Variants in PI4KA observed in about 807,000 individuals in gnomAD.
PI4KA encodes the protein PI4-kinase alpha.
A neutral mutation model predicts 271.4 loss-of-function variants in PI4KA; 122 were observed. That is an observed-to-expected ratio of 0.45 (90% confidence interval 0.39 to 0.52). The LOEUF is 0.52. Among genes scored for constraint, PI4KA ranks in the 20% least tolerant of loss-of-function variants. The probability of loss-of-function intolerance (pLI) is 0.00; values close to 1 mark genes in which losing one functional copy is unlikely to be tolerated. For missense variants in PI4KA, 1,969 were observed against 2,769.1 expected (o/e 0.71, Z 6.48); for synonymous variants, 1,041 against 1,078.8 (o/e 0.96, Z 0.69).
At chr22:20,811,891 GAGTCCCAGC>G (rs1359425529) in intron 8 of PI4KA, among the ~76,000 whole-genome samples, 1 of 151,412 alleles carries the variant, frequency 6.6e-6, no homozygotes, top group Non-Finnish European at 1.5e-5. Context: ...TGGTCACCTG[GAGTCCCAGC>G]TACTCAGGAG....
At chr22:20,837,833 C>A (rs1486299334) in intron 2 of PI4KA, among the ~76,000 whole-genome samples, 1 of 152,076 alleles carries the variant, frequency 6.6e-6, no homozygotes, top group African/African-American at 2.4e-5. Flanking sequence ...TGAGGCCAGG[C>A]ATGATGGCTC....
chr22:20,742,444 G>A, intron 31 of PI4KA, 89 bp from the exon 32 acceptor site: 1 of 1,570,618 alleles, frequency 6.4e-7, no homozygotes, highest in South Asian at 1.2e-5. Flanking sequence ...TGACCAGCTG[G>A]GGCCAGTGAT....
chr22:20,808,149 G>A (rs971135807), intron 9 of PI4KA, among the ~76,000 whole-genome samples: 3 of 151,960 alleles, frequency 2.0e-5, no homozygotes, highest in East Asian at 3.9e-4. Context: ...AATTAGCTGG[G>A]CGTGGTGGTA....
intron 2 of PI4KA, among the ~76,000 whole-genome samples, chr22:20,837,576 C>T (rs1163624120): frequency 1.3e-5 from 2 of 152,014 alleles, no homozygotes; most frequent in African/African-American, 4.8e-5. Context: ...TGGAAGCAAC[C>T]TGTTCTAGAT....
intron 19 of PI4KA, chr22:20,784,370 A>C: frequency 1.6e-6 from 2 of 1,290,256 alleles, no homozygotes; most frequent in Non-Finnish European, 2.2e-6. Context: ...ACTTCCATAC[A>C]GGGCCACTCT....
intron 19 of PI4KA, among the ~76,000 whole-genome samples, chr22:20,783,377 GC>G (rs1464111080): frequency 6.6e-6 from 1 of 150,998 alleles, no homozygotes; most frequent in Admixed American, 6.6e-5. Context: ...CAGGAGGATT[GC>G]TTGAGGCCAA....
intron 27 of PI4KA, among the ~76,000 whole-genome samples, chr22:20,750,488 A>G (rs1568987154): frequency 6.6e-6 from 1 of 152,250 alleles, no homozygotes; most frequent in South Asian, 2.1e-4. Flanking sequence ...ACAGCCACTA[A>G]GTTTGAACCT....
At chr22:20,830,007 C>T (rs1923944353) in intron 3 of PI4KA, among the ~76,000 whole-genome samples, 1 of 151,992 alleles carries the variant, frequency 6.6e-6, no homozygotes. Context: ...TGCTGTGGCC[C>T]TATGAGTTCA....
intron 19 of PI4KA, among the ~76,000 whole-genome samples, chr22:20,766,307 T>C (rs989640648): frequency 7.2e-5 from 11 of 151,966 alleles, no homozygotes; most frequent in South Asian, 2.1e-4. Flanking sequence ...TGAGGGGCTA[T>C]TGTCCTTGTG....
In PI4KA at chr22:20,819,422, T is replaced by C. The variant is rs540764278; in HGVS notation, c.789+219A>G. Among the ~76,000 whole-genome samples the C allele has an allele frequency of 4.6e-5, 7 of 151,746 alleles. No individual in the cohort carries two copies. The East Asian group carries it at 1.4e-3, about 30-fold the overall frequency. On this transcript the variant is annotated intron_variant, in intron 6 of 54. Transcript: ENST00000255882. ...GCCTTTTGTGGCTTTTTACACCTCA[T>C]TGTTTTATATTTTTATGGCCAGTTT...
intron 18 of PI4KA, among the ~76,000 whole-genome samples, chr22:20,794,779 G>A (rs1407065442): frequency 6.6e-6 from 1 of 152,174 alleles, no homozygotes; most frequent in Admixed American, 6.5e-5. Context: ...CCCTCATCTA[G>A]AGCAAGGGCT....
chr22:20,809,603 G>A (rs1189281147), intron 9 of PI4KA, among the ~76,000 whole-genome samples: 23 of 152,090 alleles, frequency 1.5e-4, no homozygotes, highest in South Asian at 6.2e-4. Context: ...CCCAGCTCTC[G>A]CCCTGGTCCT....
chr22:20,848,055 T>A (rs1926489622), intron 1 of PI4KA, among the ~76,000 whole-genome samples: 1 of 151,982 alleles, frequency 6.6e-6, no homozygotes, highest in Non-Finnish European at 1.5e-5. Context: ...CTGGCCAACA[T>A]GGCAAAACCC....
chr22:20,762,592 AG>A (rs1005324439), intron 22 of PI4KA, among the ~76,000 whole-genome samples: 16 of 152,152 alleles, frequency 1.1e-4, no homozygotes, highest in African/African-American at 3.9e-4. Flanking sequence ...GGAAAGGCAG[AG>A]GTAGCTCTGC....
chr22:20,768,738 G>A (rs1932751673), intron 19 of PI4KA, among the ~76,000 whole-genome samples: 2 of 152,290 alleles, frequency 1.3e-5, no homozygotes, highest in Non-Finnish European at 1.5e-5. Flanking sequence ...AAGACCTGGG[G>A]GTGCAGGGCA....
At chr22:20,724,029 G>C (rs1204594366) in intron 42 of PI4KA, among the ~76,000 whole-genome samples, 4 of 151,626 alleles carry the variant, frequency 2.6e-5, no homozygotes, top group Non-Finnish European at 4.4e-5. Flanking sequence ...TAGTAGAGAC[G>C]GGGTTTCACT....
intron 3 of PI4KA, among the ~76,000 whole-genome samples, chr22:20,829,401 G>A (rs188476225): frequency 6.6e-6 from 1 of 152,054 alleles, no homozygotes; most frequent in Admixed American, 6.5e-5. Flanking sequence ...TATATGTCCA[G>A]GAATTTATCC....
At chr22:20,790,688 T>A (rs1479847777) in intron 19 of PI4KA, among the ~76,000 whole-genome samples, 5 of 108,402 alleles carry the variant, frequency 4.6e-5, no homozygotes, top group Non-Finnish European at 9.2e-5. Context: ...TAAAAAAATT[T>A]AAAAAAAACA....
chr22:20,746,397 T>C (rs1410307252), intron 29 of PI4KA, among the ~76,000 whole-genome samples: 1 of 152,138 alleles, frequency 6.6e-6, no homozygotes, highest in African/African-American at 2.4e-5. Flanking sequence ...AAAAATAACT[T>C]AGAGAAAACC....
Sources: allele counts gnomAD v4.1 joint callset (sites outside exome capture counted in the v4.1 genomes callset), GRCh38; gene constraint gnomAD v4.1.1; transcripts MANE v1.5; gene names NCBI Gene and HGNC (gene_info 2026-07-23, HGNC 2026-07-21).